Variants in DOC2B observed in about 807,000 individuals in gnomAD.
The protein encoded by DOC2B is double C2-like domain-containing protein beta.
A neutral mutation model predicts 28.9 loss-of-function variants in DOC2B; 21 were observed. The observed-to-expected ratio is 0.73, with a 90% confidence interval of 0.52 to 1.05. The LOEUF (loss-of-function observed/expected upper bound fraction) is 1.05. DOC2B is among the 50% of genes least tolerant of loss of function. The pLI is 0.00. For synonymous variants in DOC2B, 194 were observed against 178.1 expected, an observed-to-expected ratio of 1.09 and a Z score of -0.71; for missense variants, 384 against 421.1, an observed-to-expected ratio of 0.91 and a Z score of 0.77.
intron 2 of DOC2B, among the ~76,000 whole-genome samples, chr17:170,563 G>A (rs967269406): frequency 6.6e-6 from 1 of 152,162 alleles, no homozygotes; most frequent in Non-Finnish European, 1.5e-5. Flanking sequence ...CGCTGGATCT[G>A]AGCTGGGCTG....
At chr17:169,088 G>C (rs2040282549) in intron 2 of DOC2B, among the ~76,000 whole-genome samples, 1 of 152,128 alleles carries the variant, frequency 6.6e-6, no homozygotes, top group East Asian at 1.9e-4. Flanking sequence ...GCCTCTCAGA[G>C]GCTGTTGCTG....
At chr17:149,043 C>T (rs1191436525) in intron 7 of DOC2B, 68 bp downstream of exon 7, 3 of 395,644 alleles carry the variant, frequency 7.6e-6, no homozygotes, top group Non-Finnish European at 1.3e-5. Context: ...CTTTTGAAAA[C>T]CCAGCCACAC....
chr17:177,772 G>A (rs1004063101), intron 1 of DOC2B, among the ~76,000 whole-genome samples: 5 of 152,268 alleles, frequency 3.3e-5, no homozygotes, highest in African/African-American at 1.2e-4. Flanking sequence ...GGTAGAACAT[G>A]ACTGGGGCCA....
chr17:154,297 C>T (rs917199189), intron 6 of DOC2B, among the ~76,000 whole-genome samples: 1 of 151,066 alleles, frequency 6.6e-6, no homozygotes, highest in African/African-American at 2.4e-5. Context: ...TTCCACGCAC[C>T]TGCTACACTC....
chr17:176,306 C>T lies in DOC2B; in HGVS notation c.374-3690G>A, dbSNP rs2040369186. Among the ~76,000 whole-genome samples the T allele has an allele frequency of 3.3e-5, 5 of 151,992 alleles. No homozygotes were observed. In the South Asian group the frequency reaches 1.0e-3, roughly 32 times the overall value. On this transcript the variant is annotated intron_variant, in intron 1 of 8. Transcript: ENST00000613549. The stretch of plus-strand genomic sequence containing the variant: ...CAAACGATCCTCTCACCTCAGCCTC[C>T]CAAGTAGCTGGGACTACAGGCGCCC...
intron 1 of DOC2B, among the ~76,000 whole-genome samples, chr17:177,242 T>G (rs2040380791): frequency 6.6e-6 from 1 of 152,288 alleles, no homozygotes; most frequent in East Asian, 1.9e-4. Context: ...AGACGAGTGT[T>G]AAGATTTTTA....
At chr17:159,581 G>T (rs1555522979) in intron 5 of DOC2B, among the ~76,000 whole-genome samples, 1 of 152,156 alleles carries the variant, frequency 6.6e-6, no homozygotes, top group African/African-American at 2.4e-5. Context: ...CAGAGATTTT[G>T]CCACTGAACT....
intron 6 of DOC2B, among the ~76,000 whole-genome samples, chr17:149,630 A>G (rs1275954431): frequency 1.3e-5 from 2 of 151,822 alleles, no homozygotes; most frequent in Admixed American, 1.3e-4. Flanking sequence ...CTCAGCCTCC[A>G]GAGTAGCTGG....
At position 144,507 on chromosome 17, in the gene DOC2B, G is replaced by C. The variant is rs1318222596; in HGVS notation, c.*2934C>G. On this transcript the variant is annotated 3_prime_UTR_variant, in exon 9 of 9. Coordinates refer to ENST00000613549, the MANE Select transcript of DOC2B (RefSeq NM_003585.5). ...ACTCCTGACCTCAGGTGATCCGCCA[G>C]CCTCGGCCTCCCAAAGTGCTGCAAT... The C allele has an allele frequency of 6.6e-6, 1 of 152,246 alleles. No individual in the cohort carries two copies. The highest frequency in any genetic ancestry group is 1.5e-5 in the Non-Finnish European group (1 of 68,056). The allele number at this position is 152,246 out of a possible 1,614,324, so 9.4% of individuals were successfully genotyped here.
At chr17:161,330 A>T in intron 5 of DOC2B, 85 bp downstream of exon 5, 1 of 1,374,684 alleles carries the variant, frequency 7.3e-7, no homozygotes, top group Non-Finnish European at 1.0e-6. Context: ...GCCCCTCATG[A>T]GTCCCATCAC....
chr17:177,188 G>A (rs1407352764), intron 1 of DOC2B, among the ~76,000 whole-genome samples: 3 of 152,156 alleles, frequency 2.0e-5, no homozygotes, highest in Non-Finnish European at 2.9e-5. Flanking sequence ...CTGCAGGGGG[G>A]ACAGAGAGAA....
rs1409541585 is a variant in DOC2B, at chr17:146,107, G to A, written c.*1334C>T. 3 of 152,314 alleles carry A rather than the reference G, an allele frequency of 2.0e-5. No homozygotes were observed. The East Asian group carries it at 5.8e-4, about 29-fold the overall frequency. 9.4% of individuals were successfully genotyped at this position (152,314 alleles called of 1,614,324 possible). On this transcript the variant is annotated 3_prime_UTR_variant, in exon 9 of 9. Coordinates refer to ENST00000613549, the MANE Select transcript of DOC2B (RefSeq NM_003585.5). Reference sequence around the variant, plus strand: ...GGGGAGCAGACAGGCCCACCAGCCAGGGTGATTCTTGCTCAGCTCCTGGAG... The same window carrying A: ...GGGGAGCAGACAGGCCCACCAGCCAAGGTGATTCTTGCTCAGCTCCTGGAG...
At chr17:157,766 C>A (rs533495111) in intron 5 of DOC2B, among the ~76,000 whole-genome samples, 1 of 152,216 alleles carries the variant, frequency 6.6e-6, no homozygotes, top group Non-Finnish European at 1.5e-5. Flanking sequence ...ATCTTTAATA[C>A]CTCAGGGCTG....
chr17:176,415 C>T (rs1276459469), intron 1 of DOC2B, among the ~76,000 whole-genome samples: 1 of 151,934 alleles, frequency 6.6e-6, no homozygotes, highest in East Asian at 1.9e-4. Context: ...GGGGGTAGGT[C>T]TCACTACGTT....
In DOC2B at chr17:172,533, C is replaced by T. The variant is rs962050836; in HGVS notation, c.453+4G>A. ...GAATTTGGGGGCAGGCTGGCGGGGC[C>T]TACCTTGGCCTTGGTGATGGTGCAG... On this transcript the variant is annotated splice_donor_region_variant and intron_variant, in intron 2 of 8. Transcript: ENST00000613549. 7.1e-6 allele frequency: 11 copies of T among 1,550,406 alleles called. No homozygotes were observed. In the African/African-American group the frequency reaches 8.2e-5, roughly 12 times the overall value.
At chr17:180,460 C>T (rs925151013) in intron 1 of DOC2B, among the ~76,000 whole-genome samples, 1 of 152,114 alleles carries the variant, frequency 6.6e-6, no homozygotes, top group African/African-American at 2.4e-5. Flanking sequence ...AGGTGCGCGG[C>T]CCTGGCGAGG....
chr17:169,750 C>G (rs2040290482), intron 2 of DOC2B, among the ~76,000 whole-genome samples: 1 of 151,978 alleles, frequency 6.6e-6, no homozygotes, highest in Non-Finnish European at 1.5e-5. Context: ...CCTCCAGAGG[C>G]CAGCCCTCCT....
intron 6 of DOC2B, chr17:155,900 TTC>T (rs1555522391): frequency 1.4e-5 from 5 of 357,346 alleles, no homozygotes; most frequent in Non-Finnish European, 2.5e-5. Flanking sequence ...TGGCCCCGCC[TTC>T]TGTCCCCTCC....
intron 3 of DOC2B, 24 bp from the exon 4 acceptor site, chr17:162,214 A>C (rs1555523351): frequency 6.6e-7 from 1 of 1,509,064 alleles, no homozygotes; most frequent in African/African-American, 1.4e-5. Context: ...AAATGATCTT[A>C]TTAGCATCAA....
Sources: gnomAD v4.1 joint callset for allele counts (sites outside exome capture counted in the v4.1 genomes callset) on GRCh38, gnomAD v4.1.1 for gene constraint, MANE v1.5 for transcripts, NCBI Gene and HGNC (gene_info 2026-07-23, HGNC 2026-07-21) for gene names.